The following PPP1R3A variants were observed in gnomAD, a reference collection of about 807,000 sequenced individuals.
PPP1R3A encodes the protein RG1.
Under a neutral mutation model 41.7 loss-of-function variants are expected in PPP1R3A, and 29 were observed. That is an observed-to-expected ratio of 0.70 (90% CI 0.52 to 0.95). The LOEUF (loss-of-function observed/expected upper bound fraction) is 0.95. PPP1R3A is among the 40% of genes least tolerant of loss of function. PPP1R3A has a pLI of 0.00. For synonymous variants in PPP1R3A, 485 were observed against 453.4 expected, an observed-to-expected ratio of 1.07 and a Z score of -0.89; for missense variants, 1,352 against 1,292.4, an observed-to-expected ratio of 1.05 and a Z score of -0.71.
rs1424188795 is a variant in PPP1R3A at position 113,878,572 on chromosome 7, T to A, written c.2520A>T (p.Gly840=). 1.2e-6 allele frequency: 2 copies of A among 1,613,628 alleles called. No homozygotes were observed. Among genetic ancestry groups the A allele is most frequent in the Non-Finnish European group, 8.5e-7 (1 of 1,179,718 alleles). ...AGGATTCTTCCACAGATGTTATATT[T>A]CCAGTGCCACATTTCTCCCTGTCAT... ...KTHDREKCGT[G]NITSVEESSW... is the part of the protein sequence containing the mutation. The change falls in exon 4 of 4, where the codon GGA becomes GGT. Residue 840 remains glycine, a synonymous_variant. Transcript: ENST00000284601.
chr7:113,913,684 A>G (rs1797290435), intron 1 of PPP1R3A, among the ~76,000 whole-genome samples: 1 of 152,138 alleles, frequency 6.6e-6, no homozygotes, highest in Non-Finnish European at 1.5e-5. Flanking sequence ...TACATTTAGC[A>G]GGCAGTGGGG....
intron 1 of PPP1R3A, among the ~76,000 whole-genome samples, chr7:113,900,851 C>T (rs202080710): frequency 1.3e-5 from 2 of 150,576 alleles, no homozygotes; most frequent in East Asian, 3.9e-4. Flanking sequence ...TACTAATTTA[C>T]ATAAACTTAT....
At chr7:113,911,368 T>G (rs903333264) in intron 1 of PPP1R3A, among the ~76,000 whole-genome samples, 4 of 152,090 alleles carry the variant, frequency 2.6e-5, no homozygotes, top group Non-Finnish European at 4.4e-5. Flanking sequence ...GATATATTCC[T>G]TTTCGTATAG....
chr7:113,892,784 T>G (rs866739813), intron 1 of PPP1R3A, among the ~76,000 whole-genome samples: 1 of 152,052 alleles, frequency 6.6e-6, no homozygotes, highest in Non-Finnish European at 1.5e-5. Flanking sequence ...TAACAGGCAT[T>G]GAAAGAAGCA....
chr7:113,915,724 T>C (rs1301469931), intron 1 of PPP1R3A, among the ~76,000 whole-genome samples: 1 of 151,580 alleles, frequency 6.6e-6, no homozygotes, highest in African/African-American at 2.4e-5. Flanking sequence ...CCCATTTAGA[T>C]TCTGTAACTA....
chr7:113,893,504 CT>C (rs1796927124), intron 1 of PPP1R3A, among the ~76,000 whole-genome samples: 1 of 151,602 alleles, frequency 6.6e-6, no homozygotes, highest in Admixed American at 6.6e-5. Context: ...CAAAGAAAAC[CT>C]TTTCAAAAGT....
At chr7:113,905,934 G>A (rs896023022) in intron 1 of PPP1R3A, among the ~76,000 whole-genome samples, 1 of 151,652 alleles carries the variant, frequency 6.6e-6, no homozygotes, top group African/African-American at 2.4e-5. Context: ...TGGTCCCACT[G>A]GTCTGAATCA....
intron 1 of PPP1R3A, among the ~76,000 whole-genome samples, chr7:113,917,802 T>C (rs983221899): frequency 6.6e-6 from 1 of 152,100 alleles, no homozygotes; most frequent in East Asian, 1.9e-4. Flanking sequence ...TAGATACATA[T>C]TGAAATATAG....
chr7:113,918,867 G>T lies in PPP1R3A; in HGVS notation c.130C>A (p.Arg44=), dbSNP rs753345410. ...ATGTCTTCAGAAGAATCAGAACCTC[G>T]TCTACTTGGTTGAGGGGAGAAACCA... ...QPGFSPQPSR[R]GSDSSEDIYL... is the part of the protein sequence containing the mutation. Residue 44 remains arginine, a synonymous_variant, in exon 1 of 4, where the codon CGA becomes AGA. Coordinates refer to ENST00000284601, the MANE Select transcript of PPP1R3A (RefSeq NM_002711.4). 6.2e-7 allele frequency: 1 copy of T among 1,613,700 alleles called. No individual in the cohort carries two copies. Among genetic ancestry groups the T allele is most frequent in the Non-Finnish European group, 8.5e-7 (1 of 1,179,728 alleles).
intron 1 of PPP1R3A, among the ~76,000 whole-genome samples, chr7:113,904,216 C>T (rs1394595615): frequency 2.0e-5 from 3 of 151,594 alleles, no homozygotes; most frequent in Non-Finnish European, 3.0e-5. Flanking sequence ...ATTAGTTTAT[C>T]GAAGCACTAT....
intron 1 of PPP1R3A, among the ~76,000 whole-genome samples, chr7:113,908,115 T>C (rs1370416458): frequency 6.6e-6 from 1 of 151,726 alleles, no homozygotes; most frequent in African/African-American, 2.4e-5. Context: ...ACTAAATGGG[T>C]TTTATGAGAT....
Position 113,878,933 on chromosome 7 carries a change from C to T in PPP1R3A, c.2159G>A (p.Gly720Asp), listed in dbSNP as rs542770810. ...CCELSSLADH[G>D]ITEKAEAGTA... Reference sequence around the variant, plus strand: ...ACCAGCTTCTGCTTTCTCAGTAATGCCATGATCAGCTAGAGAAGACAGTTC... The same window carrying T: ...ACCAGCTTCTGCTTTCTCAGTAATGTCATGATCAGCTAGAGAAGACAGTTC... Residue 720 changes from glycine (G) to aspartate (D), a missense_variant, in exon 4 of 4, where the codon GGC becomes GAC. Coordinates refer to ENST00000284601, the MANE Select transcript of PPP1R3A (RefSeq NM_002711.4). 1 of 1,613,106 alleles carries T rather than the reference C, an allele frequency of 6.2e-7. No individual in the cohort carries two copies. The highest frequency in any genetic ancestry group is 2.2e-5 in the East Asian group (1 of 44,834).
At chr7:113,880,749 A>G (rs969427311) in intron 3 of PPP1R3A, among the ~76,000 whole-genome samples, 1 of 150,508 alleles carries the variant, frequency 6.6e-6, no homozygotes, top group Non-Finnish European at 1.5e-5. Flanking sequence ...TGACATTTGC[A>G]TGATCTCAAT....
At chr7:113,903,314 C>A (rs1797095741) in intron 1 of PPP1R3A, among the ~76,000 whole-genome samples, 1 of 151,630 alleles carries the variant, frequency 6.6e-6, no homozygotes, top group African/African-American at 2.4e-5. Context: ...TAGCTAAAAT[C>A]TGTGCAATAT....
intron 1 of PPP1R3A, among the ~76,000 whole-genome samples, chr7:113,902,545 C>T (rs545776707): frequency 1.3e-5 from 2 of 151,840 alleles, no homozygotes; most frequent in Admixed American, 6.6e-5. Context: ...TTCACCTTCA[C>T]TCACTCTGCT....
Position 113,896,172 on chromosome 7 carries a change from G to A in PPP1R3A, c.783-13852C>T, listed in dbSNP as rs144578980. 3.9e-4 allele frequency among the ~76,000 whole-genome samples: 60 copies of A among 151,960 alleles called. 1 individual carries two copies. In the East Asian group the frequency reaches 0.01, roughly 26 times the overall value. Reference sequence around the variant, plus strand: ...CAAATTATGAACGCAAAGCACTGAGGCATACCTCACAAATGTCCACATTTT... The same window carrying A: ...CAAATTATGAACGCAAAGCACTGAGACATACCTCACAAATGTCCACATTTT... On this transcript the variant is annotated intron_variant, in intron 1 of 3. Coordinates refer to ENST00000284601, the MANE Select transcript of PPP1R3A (RefSeq NM_002711.4).
At chr7:113,897,179 T>C (rs1164934342) in intron 1 of PPP1R3A, among the ~76,000 whole-genome samples, 1 of 151,898 alleles carries the variant, frequency 6.6e-6, no homozygotes, top group East Asian at 1.9e-4. Context: ...CTTAGTTCTT[T>C]ACTTGTAAAC....
At chr7:113,901,348 C>G (rs1472105256) in intron 1 of PPP1R3A, among the ~76,000 whole-genome samples, 1 of 151,738 alleles carries the variant, frequency 6.6e-6, no homozygotes, top group Non-Finnish European at 1.5e-5. Flanking sequence ...AACTCTATAG[C>G]TGGCCCACGA....
At chr7:113,897,120 C>T (rs1796989223) in intron 1 of PPP1R3A, among the ~76,000 whole-genome samples, 1 of 151,824 alleles carries the variant, frequency 6.6e-6, no homozygotes, top group African/African-American at 2.4e-5. Context: ...TAAAGTACAA[C>T]ACAATCTTTC....
Sources: allele counts gnomAD v4.1 joint callset (sites outside exome capture counted in the v4.1 genomes callset), GRCh38; gene constraint gnomAD v4.1.1; transcripts MANE v1.5; gene names NCBI Gene and HGNC (gene_info 2026-07-23, HGNC 2026-07-21).